PTPRD: variants seen among roughly 807,000 people sequenced by gnomAD.
PTPRD encodes the protein protein tyrosine phosphatase receptor type D.
In PTPRD, 34 loss-of-function variants were observed where a neutral mutation model predicts 214.5. The ratio of observed to expected loss-of-function variants is 0.16; its 90% CI spans 0.12 to 0.21. The LOEUF is 0.21. Among genes scored for constraint, PTPRD ranks in the 10% least tolerant of loss-of-function variants. PTPRD has a pLI of 1.00. For synonymous variants in PTPRD, 1,128 were observed against 845.7 expected (o/e 1.33, Z -5.79); for missense variants, 2,545 against 2,398.7 (o/e 1.06, Z -1.27).
chr9:10,107,036 G>A (rs919613301), intron 3 of PTPRD, among the ~76,000 whole-genome samples: 2 of 151,908 alleles, frequency 1.3e-5, no homozygotes, highest in Non-Finnish European at 2.9e-5. Flanking sequence ...GACACTATGG[G>A]CTTGAGCCTG....
chr9:10,351,386 A>C (rs1003873877), intron 2 of PTPRD, among the ~76,000 whole-genome samples: 3 of 152,108 alleles, frequency 2.0e-5, no homozygotes, highest in Admixed American at 6.5e-5. Context: ...TTTACTGCCC[A>C]ATTACACTTT....
intron 8 of PTPRD, among the ~76,000 whole-genome samples, chr9:9,567,530 C>A (rs1260070856): frequency 6.6e-6 from 1 of 151,946 alleles, no homozygotes; most frequent in African/African-American, 2.4e-5. Context: ...ATGTGATTAT[C>A]CCTGGGGACT....
chr9:10,554,817 C>T (rs1398652286), intron 2 of PTPRD, among the ~76,000 whole-genome samples: 1 of 151,986 alleles, frequency 6.6e-6, no homozygotes, highest in African/African-American at 2.4e-5. Context: ...CCCGCCACCA[C>T]GCCCGGCTAA....
At chr9:8,868,668 T>C (rs996434374) in intron 11 of PTPRD, among the ~76,000 whole-genome samples, 1 of 152,178 alleles carries the variant, frequency 6.6e-6, no homozygotes, top group Non-Finnish European at 1.5e-5. Context: ...TTTGTGAAAG[T>C]GCTTTTATTT....
intron 11 of PTPRD, among the ~76,000 whole-genome samples, chr9:8,999,721 G>A (rs28712087): frequency 0.061 from 9,250 of 152,010 alleles, 332 homozygotes; most frequent in Middle Eastern, 0.099. Flanking sequence ...AACTGATATT[G>A]CTACTTTGTT....
intron 5 of PTPRD, among the ~76,000 whole-genome samples, chr9:9,843,304 C>G (rs985789876): frequency 6.6e-6 from 1 of 151,926 alleles, no homozygotes. Context: ...ATAGTTGTTA[C>G]ACCTTGAAAT....
intron 10 of PTPRD, among the ~76,000 whole-genome samples, chr9:9,036,136 T>C (rs1306065886): frequency 6.6e-6 from 1 of 151,948 alleles, no homozygotes; most frequent in Non-Finnish European, 1.5e-5. Flanking sequence ...AGGAAAGTCT[T>C]GCTTCAATAA....
At chr9:10,533,685 T>C (rs1413451894) in intron 2 of PTPRD, among the ~76,000 whole-genome samples, 1 of 152,032 alleles carries the variant, frequency 6.6e-6, no homozygotes, top group Non-Finnish European at 1.5e-5. Context: ...TCTGCATTAA[T>C]ATGCACCCAA....
chr9:8,757,054 C>A (rs12341000), intron 11 of PTPRD, among the ~76,000 whole-genome samples: 7,699 of 152,136 alleles, frequency 0.051, 484 homozygotes, highest in African/African-American at 0.15. Context: ...AGGCAGGAGA[C>A]TCACTTGAAC....
intron 3 of PTPRD, among the ~76,000 whole-genome samples, chr9:10,239,974 A>G (rs1487167845): frequency 3.3e-5 from 5 of 151,896 alleles, no homozygotes; most frequent in Admixed American, 1.3e-4. Flanking sequence ...ACGATTGGCC[A>G]TTAAGAGATT....
chr9:9,648,747 A>G lies in PTPRD; in HGVS notation c.-286-73966T>C, dbSNP rs143780950. ...TTTATTAGTGAGGTGCAAGTCTAAG[A>G]TATAAACGTAATGTTCTTATATTGT... On this transcript the variant is annotated intron_variant, in intron 7 of 45. Coordinates refer to ENST00000381196, the MANE Select transcript of PTPRD (RefSeq NM_002839.4). 6.0e-3 allele frequency among the ~76,000 whole-genome samples: 909 copies of G among 152,320 alleles called. 9 individuals carry two copies. The highest frequency in any genetic ancestry group is 0.021 in the African/African-American group (855 of 41,570).
At chr9:10,436,851 G>A (rs1413621155) in intron 2 of PTPRD, among the ~76,000 whole-genome samples, 1 of 151,708 alleles carries the variant, frequency 6.6e-6, no homozygotes, top group Non-Finnish European at 1.5e-5. Context: ...CCTGAGGCTT[G>A]GTTCAGGAGG....
intron 14 of PTPRD, among the ~76,000 whole-genome samples, chr9:8,542,524 T>C (rs984139657): frequency 6.6e-6 from 1 of 152,226 alleles, no homozygotes; most frequent in African/African-American, 2.4e-5. Flanking sequence ...TGAAATGTTA[T>C]GATTGTTTGC....
intron 14 of PTPRD, among the ~76,000 whole-genome samples, chr9:8,533,960 C>T (rs1403206033): frequency 6.6e-6 from 1 of 151,980 alleles, no homozygotes; most frequent in Admixed American, 6.6e-5. Context: ...CCTTGAGTAT[C>T]AGTCTATTAA....
intron 44 of PTPRD, among the ~76,000 whole-genome samples, chr9:8,330,978 T>G (rs1840018378): frequency 6.6e-6 from 1 of 152,014 alleles, no homozygotes; most frequent in Non-Finnish European, 1.5e-5. Context: ...AAATTTATGG[T>G]GAATGTCTGA....
At chr9:10,347,408 T>A (rs13302135) in intron 2 of PTPRD, among the ~76,000 whole-genome samples, 2 of 145,270 alleles carry the variant, frequency 1.4e-5, no homozygotes. Flanking sequence ...TAGCTATTTG[T>A]CTTTTTTTTT....
At chr9:8,779,477 A>C (rs1456692021) in intron 11 of PTPRD, among the ~76,000 whole-genome samples, 1 of 152,086 alleles carries the variant, frequency 6.6e-6, no homozygotes, top group East Asian at 1.9e-4. Flanking sequence ...TTCCATGTTA[A>C]TTTTATCCTT....
At chr9:8,687,076 G>C (rs774975850) in intron 12 of PTPRD, among the ~76,000 whole-genome samples, 4 of 152,144 alleles carry the variant, frequency 2.6e-5, no homozygotes, top group Non-Finnish European at 5.9e-5. Flanking sequence ...ATTCCAAAGA[G>C]CCAAGAAAAT....
At chr9:9,540,088 C>G (rs2077274516) in intron 8 of PTPRD, among the ~76,000 whole-genome samples, 1 of 151,806 alleles carries the variant, frequency 6.6e-6, no homozygotes, top group Non-Finnish European at 1.5e-5. Context: ...AAGAAATCCA[C>G]TAAGTTACTA....
Sources: gnomAD v4.1 joint callset for allele counts (sites outside exome capture counted in the v4.1 genomes callset) on GRCh38, gnomAD v4.1.1 for gene constraint, MANE v1.5 for transcripts, NCBI Gene and HGNC (gene_info 2026-07-23, HGNC 2026-07-21) for gene names.